Variants in ACACB observed in about 807,000 individuals in gnomAD.
The protein encoded by ACACB is acetyl-CoA carboxylase 2.
Under a neutral mutation model 278.8 loss-of-function variants are expected in ACACB, and 209 were observed. That is an observed-to-expected ratio of 0.75 (90% CI 0.67 to 0.84). The LOEUF is 0.84. Among genes scored for constraint, ACACB ranks in the 40% least tolerant of loss-of-function variants. The probability of loss-of-function intolerance (pLI) is 0.00; values close to 1 mark genes in which losing one functional copy is unlikely to be tolerated. For synonymous variants in ACACB, 1,174 were observed against 1,285.6 expected (o/e 0.91, Z 1.86); for missense variants, 2,850 against 3,269.0 (o/e 0.87, Z 3.13).
chr12:109,246,054 C>T, intron 38 of ACACB, 125 bp from the exon 39 acceptor site: 2 of 1,158,286 alleles, frequency 1.7e-6, no homozygotes, highest in Non-Finnish European at 2.4e-6. Flanking sequence ...TGCACCACTG[C>T]ACTCTGGCCT....
rs1242118920 is a variant in ACACB, at chr12:109,197,428, G to A, written c.2627+275G>A. Among the ~76,000 whole-genome samples, 3 of 152,280 alleles carry A rather than the reference G, an allele frequency of 2.0e-5. No homozygotes were observed. The South Asian group carries it at 6.2e-4, about 32-fold the overall frequency. On this transcript the variant is annotated intron_variant, in intron 17 of 52. Transcript: ENST00000338432. The stretch of plus-strand genomic sequence containing the variant: ...GACATGACTCCCAGCTCTGTGGCCT[G>A]CGAGGTGTGTGACCAGGTGCCTGCT...
chr12:109,254,789 T>A (rs2047182787), intron 44 of ACACB, among the ~76,000 whole-genome samples: 1 of 152,074 alleles, frequency 6.6e-6, no homozygotes, highest in African/African-American at 2.4e-5. Context: ...TTCTTTTTTT[T>A]TTTTTGAGAC....
intron 1 of ACACB, among the ~76,000 whole-genome samples, chr12:109,135,808 CTTT>C (rs59597788): frequency 6.0e-5 from 7 of 117,258 alleles, no homozygotes; most frequent in Admixed American, 9.0e-5. Context: ...AGAGGTAATA[CTTT>C]TTTTTTTTTT....
At chr12:109,148,082 C>T (rs376263637) in intron 2 of ACACB, among the ~76,000 whole-genome samples, 3 of 152,162 alleles carry the variant, frequency 2.0e-5, no homozygotes, top group East Asian at 3.9e-4. Flanking sequence ...ATCCAACAAC[C>T]TCGTTAAGCT....
chr12:109,199,121 C>T (rs2045241564), intron 17 of ACACB, among the ~76,000 whole-genome samples: 4 of 151,638 alleles, frequency 2.6e-5, no homozygotes, highest in Admixed American at 6.6e-5. Flanking sequence ...ACCCGGGAGG[C>T]GGAGCTTGCA....
chr12:109,170,718 C>G (rs913092626), intron 4 of ACACB, among the ~76,000 whole-genome samples: 2 of 151,768 alleles, frequency 1.3e-5, no homozygotes, highest in Non-Finnish European at 2.9e-5. Context: ...TTGTGGACAT[C>G]TGTTTCACAA....
Position 109,191,901 on chromosome 12 carries a change from G to T in ACACB, c.2350G>T (p.Asp784Tyr). ...GVVCGALNVADAMFRTCMTDF... is the reference protein window; with the variant it reads ...GVVCGALNVAYAMFRTCMTDF... ...GGTATGCGGGGCCTTGAACGTGGCC[G>T]ATGCGATGTTCAGAACGTGCATGAC... Residue 784 changes from aspartate (D) to tyrosine (Y), a missense_variant, in exon 15 of 53, where the codon GAT becomes TAT. Physicochemically the swap from Asp to Tyr is radical, Grantham distance 160. Coordinates refer to ENST00000338432, the MANE Select transcript of ACACB (RefSeq NM_001093.4). The T allele has an allele frequency of 6.2e-7, 1 of 1,614,206 alleles. No homozygotes were observed. The highest frequency in any genetic ancestry group is 8.5e-7 in the Non-Finnish European group (1 of 1,180,044).
At chr12:109,181,476 C>T (rs1394934145) in intron 11 of ACACB, among the ~76,000 whole-genome samples, 1 of 152,092 alleles carries the variant, frequency 6.6e-6, no homozygotes, top group Non-Finnish European at 1.5e-5. Flanking sequence ...GATCTGCCCA[C>T]CTCAACTTCC....
At chr12:109,127,323 A>T (rs1294524962) in intron 1 of ACACB, among the ~76,000 whole-genome samples, 3 of 152,112 alleles carry the variant, frequency 2.0e-5, no homozygotes, top group Non-Finnish European at 4.4e-5. Flanking sequence ...AGATGCTTAT[A>T]GTGGAAGGCA....
At position 109,235,336 on chromosome 12, in the gene ACACB, A is replaced by C; in HGVS notation, c.4371A>C (p.Gly1457=). 1 of 1,614,040 alleles carries C rather than the reference A, an allele frequency of 6.2e-7. No individual in the cohort carries two copies. The highest frequency in any genetic ancestry group is 8.5e-7 in the Non-Finnish European group (1 of 1,179,986). The part of the protein sequence containing the change: ...QSKKNILVDY[G]LRRITFLIAQ... ...AGAAAAATATCCTTGTGGATTATGG[A>C]CTCCGACGAATCACATTCTTGATTG... The change falls in exon 32 of 53, where the codon GGA becomes GGC. Residue 1457 remains glycine (G), a synonymous_variant. Transcript: ENST00000338432.
chr12:109,124,709 T>A (rs56201633), intron 1 of ACACB, among the ~76,000 whole-genome samples: 6,875 of 152,232 alleles, frequency 0.045, 321 homozygotes, highest in East Asian at 0.25. Context: ...GTTGTTGTTG[T>A]TTCTGGTTTT....
chr12:109,219,488 T>C (rs983758557), intron 24 of ACACB, among the ~76,000 whole-genome samples: 2 of 152,168 alleles, frequency 1.3e-5, no homozygotes, highest in Admixed American at 6.6e-5. Context: ...GCATTAGTGC[T>C]TTTTGAAAGT....
intron 47 of ACACB, 189 bp from the exon 48 acceptor site, chr12:109,260,291 C>A (rs2047344811): frequency 2.7e-6 from 3 of 1,125,118 alleles, no homozygotes; most frequent in South Asian, 1.4e-5. Context: ...GAGGCCCACA[C>A]TGGGTGAATG....
At position 109,242,792 on chromosome 12, in the gene ACACB, C is replaced by T. The variant is rs549699534; in HGVS notation, c.5178+200C>T. On this transcript the variant is annotated intron_variant, in intron 37 of 52. Coordinates refer to ENST00000338432, the MANE Select transcript of ACACB (RefSeq NM_001093.4). Reference sequence around the variant, plus strand: ...TGCTTGAGCCCAGGAGTTGAAGAACCCCATCTCTACAAAATATACAAAAAT... The same window carrying T: ...TGCTTGAGCCCAGGAGTTGAAGAACTCCATCTCTACAAAATATACAAAAAT... The T allele has an allele frequency of 8.7e-6, 5 of 577,452 alleles. 1 individual carries two copies. Among genetic ancestry groups the T allele is most frequent in the Non-Finnish European group, 1.5e-5 (5 of 338,964 alleles). 35.8% of individuals were successfully genotyped at this position (577,452 alleles called of 1,614,324 possible).
intron 11 of ACACB, 34 bp from the exon 12 acceptor site, chr12:109,185,545 C>T (rs748702361): frequency 6.2e-7 from 1 of 1,611,084 alleles, no homozygotes; most frequent in Non-Finnish European, 8.5e-7. Flanking sequence ...TCTGGTAGGA[C>T]TGACAGTCTG....
chr12:109,260,212 C>T, intron 47 of ACACB: 1 of 1,388,698 alleles, frequency 7.2e-7, no homozygotes, highest in Non-Finnish European at 9.8e-7. Context: ...TGGGTGAGGG[C>T]ATTTCAATTC....
Position 109,258,343 on chromosome 12 carries a change from C to T in ACACB, c.6339C>T (p.Ala2113=), listed in dbSNP as rs1215972110. The T allele has an allele frequency of 1.9e-6, 3 of 1,611,966 alleles. No homozygotes were observed. Among genetic ancestry groups the T allele is most frequent in the Admixed American group, 3.3e-5 (2 of 59,952 alleles). Residue 2113 remains alanine (A), a synonymous_variant, in exon 46 of 53, where the codon GCC becomes GCT. Transcript: ENST00000338432. The part of the protein sequence containing the change: ...TVEVAVPADP[A]NLDSEAKIIQ... ...AGGTGGCAGTCCCTGCAGACCCTGCCAACCTGGATTCTGAGGCCAAGGTGA... is the reference window on the plus strand; with the variant it reads ...AGGTGGCAGTCCCTGCAGACCCTGCTAACCTGGATTCTGAGGCCAAGGTGA...
chr12:109,156,847 G>A (rs924523838), intron 2 of ACACB, among the ~76,000 whole-genome samples: 3 of 152,016 alleles, frequency 2.0e-5, no homozygotes, highest in South Asian at 2.1e-4. Context: ...ACTCCAATTC[G>A]AGGCTGATGG....
intron 44 of ACACB, 106 bp from the exon 45 acceptor site, chr12:109,256,034 G>A (rs2047214920): frequency 2.5e-6 from 2 of 787,946 alleles, no homozygotes; most frequent in African/African-American, 3.4e-5. Flanking sequence ...TGGGCTATGA[G>A]GTTAAAGCCA....
Sources: gnomAD v4.1 joint callset for allele counts (sites outside exome capture counted in the v4.1 genomes callset) on GRCh38, gnomAD v4.1.1 for gene constraint, MANE v1.5 for transcripts, NCBI Gene and HGNC (gene_info 2026-07-23, HGNC 2026-07-21) for gene names.